ZNF804B: variants seen among roughly 807,000 people sequenced by gnomAD.
ZNF804B encodes zinc finger 804B.
Under a neutral mutation model 101.4 loss-of-function variants are expected in ZNF804B, and 80 were observed. The observed-to-expected ratio is 0.79, with a 90% CI of 0.66 to 0.95. The LOEUF (loss-of-function observed/expected upper bound fraction) is 0.95, where lower values mean the gene tolerates loss of function less well. ZNF804B is among the 40% of genes least tolerant of loss of function. The probability of loss-of-function intolerance (pLI) is 0.00; values close to 1 mark genes in which losing one functional copy is unlikely to be tolerated. For missense variants in ZNF804B, 1,673 were observed against 1,561.9 expected, an observed-to-expected ratio of 1.07 and a Z score of -1.20; for synonymous variants, 622 against 558.8, an observed-to-expected ratio of 1.11 and a Z score of -1.59.
At chr7:89,062,848 T>G (rs1299940408) in intron 1 of ZNF804B, among the ~76,000 whole-genome samples, 1 of 152,154 alleles carries the variant, frequency 6.6e-6, no homozygotes, top group African/African-American at 2.4e-5. Flanking sequence ...CTTCTGATAT[T>G]TTAAGGATCC....
rs930034806 is a variant in ZNF804B, at chr7:88,759,761, T to TCGCCGC, written c.-208_-203dup. On this transcript the variant is annotated 5_prime_UTR_variant, in exon 1 of 4. Coordinates refer to ENST00000333190, the MANE Select transcript of ZNF804B (RefSeq NM_181646.5). The stretch of plus-strand genomic sequence containing the variant: ...CGGGTCCCCTCCGTGCTCTGTGCTG[T>TCGCCGC]CGCCGCCGCCGCCTCTGTCAGAGCA... 1.0e-5 allele frequency: 6 copies of TCGCCGC among 580,638 alleles called. No individual in the cohort carries two copies. The highest frequency in any genetic ancestry group is 1.5e-5 in the Non-Finnish European group (5 of 324,806). The allele number at this position is 580,638 out of a possible 1,614,324, so 36.0% of individuals were successfully genotyped here.
At chr7:89,070,584 T>C (rs1297909872) in intron 1 of ZNF804B, among the ~76,000 whole-genome samples, 1 of 152,202 alleles carries the variant, frequency 6.6e-6, no homozygotes, top group Non-Finnish European at 1.5e-5. Context: ...TTTCTTCATC[T>C]GTAAATTGAT....
At chr7:88,827,843 CT>C (rs926408695) in intron 1 of ZNF804B, among the ~76,000 whole-genome samples, 4 of 152,086 alleles carry the variant, frequency 2.6e-5, no homozygotes, top group African/African-American at 9.7e-5. Context: ...GTTAATAAGT[CT>C]TGTTGATTTT....
intron 1 of ZNF804B, among the ~76,000 whole-genome samples, chr7:89,120,303 A>AAAACC (rs1289705735): frequency 1.3e-5 from 2 of 151,666 alleles, no homozygotes; most frequent in Non-Finnish European, 2.9e-5. Flanking sequence ...ACAAAGAAAG[A>AAAACC]AAACCAAACC....
At chr7:88,822,837 A>G (rs756847711) in intron 1 of ZNF804B, among the ~76,000 whole-genome samples, 3 of 152,228 alleles carry the variant, frequency 2.0e-5, no homozygotes, top group Non-Finnish European at 4.4e-5. Context: ...CCTCTAATGA[A>G]GCATTTACTT....
intron 2 of ZNF804B, among the ~76,000 whole-genome samples, chr7:89,326,473 T>C (rs1790897545): frequency 2.0e-5 from 3 of 152,098 alleles, no homozygotes; most frequent in Admixed American, 6.6e-5. Context: ...ATACTTGATA[T>C]GGGAAGTGAA....
At chr7:89,118,011 T>G (rs1397991689) in intron 1 of ZNF804B, among the ~76,000 whole-genome samples, 1 of 152,186 alleles carries the variant, frequency 6.6e-6, no homozygotes, top group Non-Finnish European at 1.5e-5. Flanking sequence ...AATTATTTTG[T>G]ATCTGTAAGA....
chr7:88,915,524 G>A (rs1156481931), intron 1 of ZNF804B, among the ~76,000 whole-genome samples: 4 of 151,572 alleles, frequency 2.6e-5, no homozygotes, highest in Non-Finnish European at 4.4e-5. Flanking sequence ...AAAATTAATG[G>A]AAAAAAATAT....
At chr7:89,296,776 T>C (rs573710188) in intron 2 of ZNF804B, among the ~76,000 whole-genome samples, 3 of 152,238 alleles carry the variant, frequency 2.0e-5, no homozygotes, top group East Asian at 3.9e-4. Context: ...TTCCTCTCCC[T>C]AAACTGTAAA....
chr7:89,045,746 T>C lies in ZNF804B; in HGVS notation c.109-172409T>C, dbSNP rs187058320. On this transcript the variant is annotated intron_variant, in intron 1 of 3. Coordinates refer to ENST00000333190, the MANE Select transcript of ZNF804B (RefSeq NM_181646.5). Reference sequence around the variant, plus strand: ...CCAATCCCTGTACCCCCAATGTATCTAGGAAGTAACTCCTTTGCTTTTGAT... The same window carrying C: ...CCAATCCCTGTACCCCCAATGTATCCAGGAAGTAACTCCTTTGCTTTTGAT... 2.1e-3 allele frequency among the ~76,000 whole-genome samples: 320 copies of C among 152,314 alleles called. 1 individual carries two copies. The highest frequency in any genetic ancestry group is 7.3e-3 in the African/African-American group (303 of 41,572).
intron 1 of ZNF804B, among the ~76,000 whole-genome samples, chr7:88,779,872 T>C (rs1790196756): frequency 6.6e-6 from 1 of 152,204 alleles, no homozygotes; most frequent in Admixed American, 6.5e-5. Context: ...GATCAGTGTC[T>C]TCTTTATCCA....
chr7:89,212,245 T>C (rs1053707012), intron 1 of ZNF804B, among the ~76,000 whole-genome samples: 8 of 129,062 alleles, frequency 6.2e-5, no homozygotes, highest in African/African-American at 2.6e-4. Flanking sequence ...TCACATGCAT[T>C]CAGTGATACA....
intron 1 of ZNF804B, among the ~76,000 whole-genome samples, chr7:88,988,700 A>G (rs1793800882): frequency 6.6e-6 from 1 of 152,142 alleles, no homozygotes; most frequent in Non-Finnish European, 1.5e-5. Context: ...CCACTCTGAA[A>G]ATGTGATTTT....
In ZNF804B at chr7:88,870,400, A is replaced by AAAAAAAAAAAG. The variant is rs781332488; in HGVS notation, c.108+110323_108+110324insAAAGAAAAAAA. On this transcript the variant is annotated intron_variant, in intron 1 of 3. Transcript: ENST00000333190. ...ACTCCGTCTCAAAAAAAAAAAAAAA[A>AAAAAAAAAAAG]AAAAAAAGGTGGGTGATTGGAAAAC... 1.2e-4 allele frequency among the ~76,000 whole-genome samples: 13 copies of AAAAAAAAAAAG among 112,694 alleles called. 1 individual carries two copies. The highest frequency in any genetic ancestry group is 2.7e-4 in the African/African-American group (7 of 25,482). The allele number at this position is 112,694 out of a possible 152,430, so 73.9% of individuals were successfully genotyped here.
intron 1 of ZNF804B, among the ~76,000 whole-genome samples, chr7:88,818,418 A>AT (rs1235640468): frequency 6.6e-6 from 1 of 152,168 alleles, no homozygotes; most frequent in Non-Finnish European, 1.5e-5. Context: ...TTCTTAGAAA[A>AT]ATATATATTA....
At chr7:89,083,421 T>TG (rs1418235311) in intron 1 of ZNF804B, among the ~76,000 whole-genome samples, 1 of 151,528 alleles carries the variant, frequency 6.6e-6, no homozygotes, top group African/African-American at 2.4e-5. Context: ...TCTGATCATT[T>TG]GGGGGAATGT....
chr7:89,259,254 A>C (rs1789677504), intron 2 of ZNF804B, among the ~76,000 whole-genome samples: 1 of 152,038 alleles, frequency 6.6e-6, no homozygotes, highest in African/African-American at 2.4e-5. Context: ...TATTGGCTCT[A>C]CTTTTTCTAA....
intron 1 of ZNF804B, among the ~76,000 whole-genome samples, chr7:88,764,832 C>T (rs571890744): frequency 6.6e-6 from 1 of 152,144 alleles, no homozygotes; most frequent in Non-Finnish European, 1.5e-5. Context: ...GAGAAGTCAC[C>T]TGCATCCTCT....
intron 1 of ZNF804B, among the ~76,000 whole-genome samples, chr7:88,877,049 ATTTTTTTTTT>A (rs869097226): frequency 1.4e-4 from 2 of 13,914 alleles, no homozygotes; most frequent in African/African-American, 8.5e-4. Flanking sequence ...ATATATATAT[ATTTTTTTTTT>A]TTTTTTTTTT....
Sources: allele counts gnomAD v4.1 joint callset (sites outside exome capture counted in the v4.1 genomes callset), GRCh38; gene constraint gnomAD v4.1.1; transcripts MANE v1.5; gene names NCBI Gene and HGNC (gene_info 2026-07-23, HGNC 2026-07-21).